Variants in BCAS3 observed in about 807,000 individuals in gnomAD.
BCAS3 encodes BCAS3 microtubule associated cell migration factor, also known as BCAS4/BCAS3 fusion.
In BCAS3, 53 loss-of-function variants were observed where a neutral mutation model predicts 116.1. That is an observed-to-expected ratio of 0.46 (90% confidence interval 0.37 to 0.57). The LOEUF is 0.57. BCAS3 is among the 20% of genes least tolerant of loss of function. The pLI, the probability that BCAS3 is intolerant of heterozygous loss-of-function variation, is 0.00. For missense variants in BCAS3, 917 were observed against 1,165.4 expected (o/e 0.79, Z 3.10); for synonymous variants, 391 against 408.2 (o/e 0.96, Z 0.51).
intron 9 of BCAS3, among the ~76,000 whole-genome samples, chr17:60,878,355 C>T (rs576021188): frequency 1.3e-5 from 2 of 152,034 alleles, no homozygotes; most frequent in Non-Finnish European, 2.9e-5. Context: ...ATATAGTTGT[C>T]AGAAGGTAGG....
At position 61,368,925 on chromosome 17, in the gene BCAS3, G is replaced by T. The variant is rs1395069229; in HGVS notation, c.2593+431G>T. Among the ~76,000 whole-genome samples, 4 of 152,172 alleles carry T rather than the reference G, an allele frequency of 2.6e-5. No individual in the cohort carries two copies. Among genetic ancestry groups the T allele is most frequent in the African/African-American group, 9.7e-5 (4 of 41,446 alleles). ...CATGAAGCAGGCTGGGCTGGTTTCA[G>T]CCCCTACCAGCTTTTCCTCATGCTG... On this transcript the variant is annotated intron_variant, in intron 23 of 23. Coordinates refer to ENST00000407086, the MANE Select transcript of BCAS3 (RefSeq NM_017679.5). The surrounding 1 kb of genome is among the most constrained non-coding windows in gnomAD (Gnocchi z 6.0).
At chr17:60,836,182 A>G (rs1424375798) in intron 7 of BCAS3, among the ~76,000 whole-genome samples, 3 of 152,108 alleles carry the variant, frequency 2.0e-5, no homozygotes, top group South Asian at 2.1e-4. Context: ...ACATTGACAC[A>G]TTGACACATC....
chr17:60,831,957 G>C (rs1387643198), intron 7 of BCAS3, among the ~76,000 whole-genome samples: 1 of 151,902 alleles, frequency 6.6e-6, no homozygotes, highest in Non-Finnish European at 1.5e-5. Flanking sequence ...AGTTTTGTCC[G>C]TGCACCTTTC....
chr17:60,679,366 T>C (rs887513530), intron 1 of BCAS3, 87 bp from the exon 2 acceptor site: 2 of 936,106 alleles, frequency 2.1e-6, no homozygotes, highest in Non-Finnish European at 3.3e-6. Flanking sequence ...AAGGGATCTC[T>C]AGTGAGTAAT....
intron 4 of BCAS3, among the ~76,000 whole-genome samples, chr17:60,707,453 C>T (rs1349179683): frequency 6.6e-6 from 1 of 152,164 alleles, no homozygotes; most frequent in Non-Finnish European, 1.5e-5. Flanking sequence ...GGGTACTTAG[C>T]ACCCCTACCC....
chr17:60,945,082 C>G (rs1315982553), intron 13 of BCAS3, among the ~76,000 whole-genome samples: 1 of 152,068 alleles, frequency 6.6e-6, no homozygotes, highest in Non-Finnish European at 1.5e-5. Flanking sequence ...TATAAAAAAA[C>G]CCCTAGAACT....
chr17:60,754,191 T>C (rs11655451), intron 6 of BCAS3, among the ~76,000 whole-genome samples: 110,141 of 151,678 alleles, frequency 0.73, 45,672 homozygotes, highest in South Asian at 0.98. Flanking sequence ...TGAGCCGCCA[T>C]ACCTGACTTC....
chr17:61,044,666 G>T (rs931282987), intron 19 of BCAS3, among the ~76,000 whole-genome samples: 1 of 151,682 alleles, frequency 6.6e-6, no homozygotes. Context: ...AAGATGAAAA[G>T]ACCTGGGTTC....
At chr17:61,120,749 GAGA>G (rs796560052) in intron 22 of BCAS3, among the ~76,000 whole-genome samples, 13 of 152,158 alleles carry the variant, frequency 8.5e-5, no homozygotes, top group Middle Eastern at 3.4e-3. Context: ...TATCATGCCT[GAGA>G]AGATTAACAA....
chr17:60,814,304 T>TGCGCGC (rs59755143), intron 7 of BCAS3, among the ~76,000 whole-genome samples: 14 of 136,806 alleles, frequency 1.0e-4, no homozygotes, highest in Middle Eastern at 4.2e-3. Context: ...TGTGTGTGTG[T>TGCGCGC]GTGCGCGCGT....
intron 7 of BCAS3, among the ~76,000 whole-genome samples, chr17:60,854,848 C>G (rs112377773): frequency 3.3e-5 from 5 of 152,062 alleles, no homozygotes; most frequent in Non-Finnish European, 7.4e-5. Flanking sequence ...TTGCCAAAAC[C>G]TGGCAGCAAG....
rs189982521 is a variant in BCAS3 at position 61,034,014 on chromosome 17, A to G, written c.1638-652A>G. Among the ~76,000 whole-genome samples, 8 of 152,340 alleles carry G rather than the reference A, an allele frequency of 5.3e-5. No individual in the cohort carries two copies. The highest frequency in any genetic ancestry group is 3.3e-4 in the Admixed American group (5 of 15,300). On this transcript the variant is annotated intron_variant, in intron 16 of 23. Transcript: ENST00000407086. The surrounding 1 kb of genome is among the most constrained non-coding windows in gnomAD (Gnocchi z 5.0). ...TCCACCTTGGTCTTTTTCTCTGAAC[A>G]AAAATAGACACATCATTTTCACAAA...
chr17:61,304,306 C>T (rs898451682), intron 22 of BCAS3, among the ~76,000 whole-genome samples: 1 of 152,216 alleles, frequency 6.6e-6, no homozygotes, highest in African/African-American at 2.4e-5. Context: ...CATTTGCCCA[C>T]AGTAAGAAAC....
chr17:60,929,591 T>G (rs2059536265), intron 13 of BCAS3, among the ~76,000 whole-genome samples: 1 of 152,086 alleles, frequency 6.6e-6, no homozygotes, highest in Non-Finnish European at 1.5e-5. Flanking sequence ...TATTATACAT[T>G]AAGTTTTAGG....
intron 19 of BCAS3, among the ~76,000 whole-genome samples, chr17:61,048,045 G>A (rs1194577774): frequency 1.3e-5 from 2 of 151,970 alleles, no homozygotes; most frequent in East Asian, 1.9e-4. Flanking sequence ...AAAGGTGACT[G>A]GGGTCCATAG....
At chr17:60,736,112 A>G (rs145180634) in intron 5 of BCAS3, among the ~76,000 whole-genome samples, 468 of 152,154 alleles carry the variant, frequency 3.1e-3, no homozygotes, top group Non-Finnish European at 5.1e-3. Context: ...ATCATAGCTC[A>G]CTGTTAACCT....
In BCAS3 at chr17:61,173,845, CACTCCAGCCTAGGTG is replaced by C. The variant is rs1356875107; in HGVS notation, c.2425+89284_2425+89298del. On this transcript the variant is annotated intron_variant, in intron 22 of 23. Coordinates refer to ENST00000407086, the MANE Select transcript of BCAS3 (RefSeq NM_017679.5). ...ACAGTGAGCTATGATCATGCCACTG[CACTCCAGCCTAGGTG>C]ACAGAGTGAGACCCTGTCTCAAACA... Among the ~76,000 whole-genome samples the C allele has an allele frequency of 1.9e-4, 29 of 152,294 alleles. 1 individual carries two copies. In the East Asian group the frequency reaches 2.1e-3, roughly 11 times the overall value.
intron 6 of BCAS3, among the ~76,000 whole-genome samples, chr17:60,778,258 T>C (rs1257886815): frequency 3.3e-5 from 5 of 152,090 alleles, no homozygotes; most frequent in Non-Finnish European, 7.4e-5. Context: ...TAGCGTCTCT[T>C]GTCTAGAATT....
chr17:60,860,085 C>T (rs999759275), intron 7 of BCAS3, among the ~76,000 whole-genome samples: 3 of 152,312 alleles, frequency 2.0e-5, no homozygotes, highest in South Asian at 2.1e-4. Context: ...CTGCTATCCA[C>T]GGTGGCTGAA....
Sources: allele counts gnomAD v4.1 joint callset (sites outside exome capture counted in the v4.1 genomes callset), GRCh38; gene constraint gnomAD v4.1.1; non-coding constraint Gnocchi (gnomAD v3.1); transcripts MANE v1.5; gene names NCBI Gene and HGNC (gene_info 2026-07-23, HGNC 2026-07-21).